Variants in ANXA4 observed in about 807,000 individuals in gnomAD.
The protein encoded by ANXA4 is annexin A4.
Under a neutral mutation model 49.8 loss-of-function variants are expected in ANXA4, and 39 were observed. The observed-to-expected ratio is 0.78, with a 90% CI of 0.61 to 1.02. ANXA4 has a LOEUF of 1.02. Ranked by LOEUF, ANXA4 falls within the 50% of genes least tolerant of loss-of-function variation. ANXA4 has a pLI of 0.00. For missense variants in ANXA4, 360 were observed against 410.1 expected (o/e 0.88, Z 1.05); for synonymous variants, 134 against 152.5 (o/e 0.88, Z 0.89).
At chr2:69,807,416 T>C (rs1673488215) in intron 5 of ANXA4, among the ~76,000 whole-genome samples, 1 of 152,190 alleles carries the variant, frequency 6.6e-6, no homozygotes, top group Non-Finnish European at 1.5e-5. Flanking sequence ...AATGCAAATA[T>C]AAATGGTCCC....
At chr2:69,648,523 T>C (rs554108592) in intron 1 of ANXA4, among the ~76,000 whole-genome samples, 1 of 152,112 alleles carries the variant, frequency 6.6e-6, no homozygotes, top group South Asian at 2.1e-4. Flanking sequence ...ATGTCCTTTT[T>C]AAAAAAATGA....
intron 1 of ANXA4, among the ~76,000 whole-genome samples, chr2:69,779,355 C>T (rs1391032485): frequency 6.6e-6 from 1 of 152,116 alleles, no homozygotes; most frequent in Non-Finnish European, 1.5e-5. Context: ...TTGTCTTATC[C>T]ACTGCATTAT....
At chr2:69,656,346 TG>T (rs1218942572) in intron 2 of ANXA4, among the ~76,000 whole-genome samples, 1 of 100,080 alleles carries the variant, frequency 1.0e-5, no homozygotes, top group East Asian at 5.8e-4. Context: ...TATATATATG[TG>T]TATATATGTG....
chr2:69,656,338 T>C (rs1676474836), intron 2 of ANXA4, among the ~76,000 whole-genome samples: 4 of 93,196 alleles, frequency 4.3e-5, no homozygotes, highest in African/African-American at 2.6e-4. Flanking sequence ...TATATGTGTA[T>C]ATATATGTGT....
intron 3 of ANXA4, among the ~76,000 whole-genome samples, chr2:69,722,212 A>G (rs1669832090): frequency 6.6e-6 from 1 of 152,192 alleles, no homozygotes; most frequent in South Asian, 2.1e-4. Context: ...AATGAGACCA[A>G]CCTTAAAGGT....
intron 2 of ANXA4, among the ~76,000 whole-genome samples, chr2:69,660,463 A>G (rs1187136444): frequency 6.6e-6 from 1 of 152,210 alleles, no homozygotes; most frequent in Non-Finnish European, 1.5e-5. Context: ...CTCAGTTAAG[A>G]GAACAAAACA....
At chr2:69,702,809 G>GT (rs1678374420) in intron 2 of ANXA4, among the ~76,000 whole-genome samples, 1 of 152,022 alleles carries the variant, frequency 6.6e-6, no homozygotes, top group Non-Finnish European at 1.5e-5. Context: ...TTTTTAAAAC[G>GT]TAACTATAAA....
chr2:69,771,180 G>C (rs891887887), intron 1 of ANXA4, among the ~76,000 whole-genome samples: 5 of 151,458 alleles, frequency 3.3e-5, no homozygotes, highest in African/African-American at 1.2e-4. Context: ...TTTGTAGACA[G>C]GTTGATTTGG....
chr2:69,749,513 A>G (rs1670751681), intron 1 of ANXA4, among the ~76,000 whole-genome samples: 1 of 152,220 alleles, frequency 6.6e-6, no homozygotes, highest in Admixed American at 6.5e-5. Flanking sequence ...TGGAACATCT[A>G]TGCAGAGTAA....
At chr2:69,798,232 T>A (rs1673028783) in intron 3 of ANXA4, among the ~76,000 whole-genome samples, 1 of 152,198 alleles carries the variant, frequency 6.6e-6, no homozygotes, top group South Asian at 2.1e-4. Context: ...TTCCCCTGTC[T>A]GTAAAAAGTC....
intron 2 of ANXA4, among the ~76,000 whole-genome samples, chr2:69,708,797 A>G (rs1056118950): frequency 6.6e-5 from 10 of 152,016 alleles, no homozygotes; most frequent in African/African-American, 1.9e-4. Flanking sequence ...CAGGCAGATC[A>G]TTTGAGGCCA....
intron 1 of ANXA4, among the ~76,000 whole-genome samples, chr2:69,754,598 CCA>C (rs1256801944): frequency 3.9e-5 from 6 of 152,044 alleles, no homozygotes; most frequent in Non-Finnish European, 8.8e-5. Flanking sequence ...GATCCCATCC[CCA>C]GAGTTTAGGA....
At chr2:69,763,941 G>A (rs374853133) in intron 1 of ANXA4, among the ~76,000 whole-genome samples, 198 of 152,246 alleles carry the variant, frequency 1.3e-3, no homozygotes, top group African/African-American at 4.5e-3. Context: ...GATTACAGAC[G>A]TGAGCCACCG....
At chr2:69,709,212 A>G (rs1349931215) in intron 2 of ANXA4, among the ~76,000 whole-genome samples, 2 of 142,576 alleles carry the variant, frequency 1.4e-5, no homozygotes, top group Non-Finnish European at 3.2e-5. Context: ...AGGGCAACAG[A>G]AATTACTTAG....
intron 2 of ANXA4, among the ~76,000 whole-genome samples, chr2:69,658,781 G>A (rs908990636): frequency 2.0e-5 from 3 of 152,202 alleles, no homozygotes; most frequent in Admixed American, 6.5e-5. Flanking sequence ...TGCAACCTCC[G>A]CCTCCCTGGT....
intron 4 of ANXA4, 91 bp downstream of exon 4, chr2:69,804,718 G>A (rs1673367008): frequency 3.7e-5 from 42 of 1,129,628 alleles, no homozygotes; most frequent in Middle Eastern, 4.2e-4. Context: ...AAGTGACCTT[G>A]TGTTTTAAAA....
At chr2:69,688,142 T>G (rs115752812) in intron 2 of ANXA4, among the ~76,000 whole-genome samples, 2,539 of 152,332 alleles carry the variant, frequency 0.017, 69 homozygotes, top group African/African-American at 0.059. Flanking sequence ...GCTGTAAGTT[T>G]CCCTTTCATT....
intron 2 of ANXA4, among the ~76,000 whole-genome samples, chr2:69,704,291 G>T (rs11126243): frequency 0.41 from 62,096 of 151,888 alleles, 16,260 homozygotes; most frequent in African/African-American, 0.73. Context: ...ATTTTCTAAC[G>T]AGCCATTTTG....
At chr2:69,799,830 G>T (rs1293304884) in intron 3 of ANXA4, among the ~76,000 whole-genome samples, 1 of 152,170 alleles carries the variant, frequency 6.6e-6, no homozygotes, top group Non-Finnish European at 1.5e-5. Flanking sequence ...ACTTGACCAT[G>T]AGACCATCTT....
Sources: allele counts gnomAD v4.1 joint callset (sites outside exome capture counted in the v4.1 genomes callset), GRCh38; gene constraint gnomAD v4.1.1; transcripts MANE v1.5; gene names NCBI Gene and HGNC (gene_info 2026-07-23, HGNC 2026-07-21).